Variants in CNTN5 observed in about 807,000 individuals in gnomAD.
CNTN5 encodes the protein contactin 5, also known as contactin-5.
A neutral mutation model predicts 129.1 loss-of-function variants in CNTN5; 77 were observed. The observed-to-expected ratio is 0.60, with a 90% CI of 0.50 to 0.72. The LOEUF (loss-of-function observed/expected upper bound fraction) is 0.72, where lower values mean the gene tolerates loss of function less well. Ranked by LOEUF, CNTN5 falls within the 30% of genes least tolerant of loss-of-function variation. CNTN5 has a pLI of 0.00. For missense variants in CNTN5, 1,478 were observed against 1,328.8 expected (o/e 1.11, Z -1.75); for synonymous variants, 509 against 465.6 (o/e 1.09, Z -1.20).
At chr11:100,024,459 A>G (rs1421094036) in intron 9 of CNTN5, among the ~76,000 whole-genome samples, 3 of 147,968 alleles carry the variant, frequency 2.0e-5, no homozygotes, top group African/African-American at 8.0e-5. Flanking sequence ...AATGATACCC[A>G]AAAATGTGGA....
At chr11:99,207,954 T>C (rs1859566557) in intron 1 of CNTN5, among the ~76,000 whole-genome samples, 1 of 152,184 alleles carries the variant, frequency 6.6e-6, no homozygotes. Context: ...AATTATGTAC[T>C]TCCCAAAGCC....
At chr11:99,256,738 T>A (rs909925360) in intron 1 of CNTN5, among the ~76,000 whole-genome samples, 1 of 152,026 alleles carries the variant, frequency 6.6e-6, no homozygotes, top group Non-Finnish European at 1.5e-5. Context: ...TTACAAGAAC[T>A]ACATAGATAA....
At chr11:99,269,569 GT>G (rs1326761325) in intron 1 of CNTN5, among the ~76,000 whole-genome samples, 7 of 151,722 alleles carry the variant, frequency 4.6e-5, no homozygotes, top group Non-Finnish European at 1.0e-4. Context: ...TTTTAAACCT[GT>G]TTTGTCCTTA....
At chr11:99,029,511 A>G (rs1315050987) in intron 1 of CNTN5, among the ~76,000 whole-genome samples, 1 of 152,120 alleles carries the variant, frequency 6.6e-6, no homozygotes, top group East Asian at 1.9e-4. Flanking sequence ...CTGTAGAAAC[A>G]CTGGAGGAAC....
At chr11:99,610,111 A>T (rs971716817) in intron 3 of CNTN5, among the ~76,000 whole-genome samples, 1 of 152,164 alleles carries the variant, frequency 6.6e-6, no homozygotes, top group African/African-American at 2.4e-5. Context: ...AGTCTAGTTC[A>T]AAAGTCAAAA....
intron 9 of CNTN5, among the ~76,000 whole-genome samples, chr11:100,012,153 A>C (rs922061665): frequency 6.6e-6 from 1 of 152,180 alleles, no homozygotes; most frequent in South Asian, 2.1e-4. Flanking sequence ...CTCACAGGAA[A>C]GTGGTGCATT....
chr11:99,541,042 C>T (rs941609565), intron 2 of CNTN5, among the ~76,000 whole-genome samples: 3 of 152,132 alleles, frequency 2.0e-5, no homozygotes, highest in South Asian at 2.1e-4. Context: ...TCTCCCTGCC[C>T]TCTTAAATCT....
intron 1 of CNTN5, among the ~76,000 whole-genome samples, chr11:99,190,969 A>C (rs1858611837): frequency 6.6e-6 from 1 of 151,652 alleles, no homozygotes; most frequent in Admixed American, 6.6e-5. Flanking sequence ...GAAGGATGTT[A>C]GCTGTGTTTA....
At chr11:99,320,995 G>T (rs564968989) in intron 1 of CNTN5, among the ~76,000 whole-genome samples, 1 of 152,248 alleles carries the variant, frequency 6.6e-6, no homozygotes, top group African/African-American at 2.4e-5. Flanking sequence ...AATGTCTTCT[G>T]CCTGCCAGCT....
At chr11:99,171,141 C>T (rs1354048225) in intron 1 of CNTN5, among the ~76,000 whole-genome samples, 4 of 151,960 alleles carry the variant, frequency 2.6e-5, no homozygotes, top group Non-Finnish European at 4.4e-5. Flanking sequence ...GAATTCTTGC[C>T]TGCATTTCAT....
intron 2 of CNTN5, among the ~76,000 whole-genome samples, chr11:99,445,401 A>C (rs1007027670): frequency 1.3e-5 from 2 of 152,180 alleles, no homozygotes; most frequent in Non-Finnish European, 2.9e-5. Context: ...ATACTTGTTT[A>C]ATAACAGTTA....
intron 3 of CNTN5, among the ~76,000 whole-genome samples, chr11:99,753,583 G>A (rs886586127): frequency 3.4e-5 from 5 of 148,816 alleles, no homozygotes; most frequent in African/African-American, 1.2e-4. Context: ...ATCAGCTTGT[G>A]GCCCCACTAA....
intron 2 of CNTN5, among the ~76,000 whole-genome samples, chr11:99,371,140 T>C (rs920571920): frequency 2.6e-5 from 4 of 152,170 alleles, no homozygotes; most frequent in Admixed American, 6.5e-5. Flanking sequence ...ATACCACATA[T>C]AGATCCTTAC....
chr11:99,677,818 CTTT>C (rs914639744), intron 3 of CNTN5, among the ~76,000 whole-genome samples: 1 of 151,972 alleles, frequency 6.6e-6, no homozygotes, highest in Admixed American at 6.6e-5. Context: ...TGTCTGTTGA[CTTT>C]TTTCAAAAAT....
chr11:100,334,872 A>G (rs1184033743), intron 21 of CNTN5, among the ~76,000 whole-genome samples: 1 of 152,116 alleles, frequency 6.6e-6, no homozygotes, highest in Non-Finnish European at 1.5e-5. Flanking sequence ...AGAAATCACC[A>G]CTAAAGAACC....
At chr11:100,157,355 G>A (rs575509736) in intron 13 of CNTN5, among the ~76,000 whole-genome samples, 2 of 151,944 alleles carry the variant, frequency 1.3e-5, no homozygotes, top group East Asian at 1.9e-4. Flanking sequence ...AATATTTTAA[G>A]CAGATATTTA....
Position 99,131,249 on chromosome 11 carries a change from G to GA in CNTN5, c.-210+109994dup, listed in dbSNP as rs71046664. Among the ~76,000 whole-genome samples the GA allele has an allele frequency of 1.1e-3, 73 of 67,188 alleles. 6 individuals are homozygous for GA. The highest frequency in any genetic ancestry group is 0.015 in the Middle Eastern group (1 of 66). 44.1% of individuals were successfully genotyped at this position (67,188 alleles called of 152,430 possible). ...GGTGACAGAGTGAGACTCCATCTCA[G>GA]AAAAAAAAAAAAAAAGAAAAATTTA... is the stretch of plus-strand genomic sequence containing the variant. On this transcript the variant is annotated intron_variant, in intron 1 of 24. Coordinates refer to ENST00000524871, the MANE Select transcript of CNTN5 (RefSeq NM_014361.4).
intron 6 of CNTN5, 102 bp downstream of exon 6, chr11:99,845,364 A>ATCT (rs1947653573): frequency 1.7e-5 from 4 of 239,466 alleles, no homozygotes; most frequent in Admixed American, 8.0e-5. Context: ...AAGATCTCAA[A>ATCT]TCTTTTTTTT....
At chr11:100,289,336 T>C (rs569218562) in intron 18 of CNTN5, among the ~76,000 whole-genome samples, 1 of 152,234 alleles carries the variant, frequency 6.6e-6, no homozygotes, top group Non-Finnish European at 1.5e-5. Context: ...ATATCCTTGA[T>C]GAACATTGAT....
Sources: gnomAD v4.1 joint callset for allele counts (sites outside exome capture counted in the v4.1 genomes callset) on GRCh38, gnomAD v4.1.1 for gene constraint, MANE v1.5 for transcripts, NCBI Gene and HGNC (gene_info 2026-07-23, HGNC 2026-07-21) for gene names.